Variants in C13orf46 observed in about 807,000 individuals in gnomAD.
C13orf46 encodes the protein chromosome 13 open reading frame 46, also known as uncharacterized protein C13orf46.
At chr13:113,956,921 C>T (rs943970703) in intron 6 of C13orf46, 82 bp from the exon 7 acceptor site, 45,508 of 152,268 alleles carry the variant, frequency 0.3, 7,672 homozygotes, top group East Asian at 0.45. Context: ...GAGCAGCACC[C>T]CCAACCTGAA....
the C13orf46 span, among the ~76,000 whole-genome samples, chr13:113,936,754 G>T: frequency 2.2e-4 from 34 of 152,196 alleles, no homozygotes; most frequent in African/African-American, 7.5e-4. Flanking sequence ...GTGGGAAATG[G>T]TCCTTGTGCC....
chr13:113,930,428 G>GCGCGGGAGCACCGAGGCGGGGA, the C13orf46 span, among the ~76,000 whole-genome samples: 6 of 147,456 alleles, frequency 4.1e-5, no homozygotes, highest in African/African-American at 1.5e-4. Flanking sequence ...CGAGGCGGGG[G>GCGCGGGAGCACCGAGGCGGGGA]CGCGGGAGCA....
downstream of C13orf46, among the ~76,000 whole-genome samples, chr13:113,951,106 C>T (rs1260626675): frequency 6.6e-6 from 1 of 152,198 alleles, no homozygotes; most frequent in African/African-American, 2.4e-5. Flanking sequence ...GGCGTGTGGT[C>T]CTGGTGTGGG....
At chr13:113,968,044 G>A (rs2052667036) in intron 4 of C13orf46, among the ~76,000 whole-genome samples, 1 of 152,138 alleles carries the variant, frequency 6.6e-6, no homozygotes, top group Non-Finnish European at 1.5e-5. Context: ...CAGCGTGTCT[G>A]GTTGTGTTAC....
At chr13:113,952,311 A>G (rs1281214168), downstream of C13orf46, among the ~76,000 whole-genome samples, 4 of 120,102 alleles carry the variant, frequency 3.3e-5, no homozygotes, top group South Asian at 5.3e-4. Flanking sequence ...CTGTGTGGCC[A>G]CCCCTCCGCC....
intron 6 of C13orf46, among the ~76,000 whole-genome samples, chr13:113,964,346 C>G (rs1254989465): frequency 6.6e-6 from 1 of 152,214 alleles, no homozygotes; most frequent in East Asian, 1.9e-4. Context: ...TCCCCACACC[C>G]ATCTTCAGGG....
intron 6 of C13orf46, among the ~76,000 whole-genome samples, chr13:113,958,219 C>A (rs1053827402): frequency 6.6e-6 from 1 of 150,702 alleles, no homozygotes; most frequent in Non-Finnish European, 1.5e-5. Context: ...GTCTCCCCTG[C>A]ACTCCACATG....
chr13:113,959,353 AG>A (rs2052569335), intron 6 of C13orf46, among the ~76,000 whole-genome samples: 2 of 152,158 alleles, frequency 1.3e-5, no homozygotes. Flanking sequence ...ATGATTGGCT[AG>A]GATGTGTGAG....
At chr13:113,971,606 C>A (rs2052706226) in intron 1 of C13orf46, among the ~76,000 whole-genome samples, 1 of 152,224 alleles carries the variant, frequency 6.6e-6, no homozygotes, top group Non-Finnish European at 1.5e-5. Flanking sequence ...ATGGCCCAGG[C>A]CCAGACACAC....
chr13:113,972,134 C>T lies in C13orf46; in HGVS notation c.190+1674G>A, dbSNP rs148370470. On this transcript the variant is annotated intron_variant, in intron 1 of 6. Coordinates refer to ENST00000636427, the MANE Select transcript of C13orf46 (RefSeq NM_001365455.2). ...ATGGGGCTCAATCCCTCCCTCCATCCGACCCCGGCCTCTAAGTCCGCACTG... is the reference window on the plus strand; with the variant it reads ...ATGGGGCTCAATCCCTCCCTCCATCTGACCCCGGCCTCTAAGTCCGCACTG... 4.7e-3 allele frequency among the ~76,000 whole-genome samples: 710 copies of T among 152,286 alleles called. 5 individuals are homozygous for T. The highest frequency in any genetic ancestry group is 0.016 in the African/African-American group (667 of 41,554).
chr13:113,965,821 A>C (rs968045129), intron 5 of C13orf46, among the ~76,000 whole-genome samples: 127 of 130,150 alleles, frequency 9.8e-4, no homozygotes, highest in African/African-American at 3.9e-3. Flanking sequence ...GAAGGTGATG[A>C]TGGTGATAAT....
the C13orf46 span, among the ~76,000 whole-genome samples, chr13:113,947,812 CCAGA>C: frequency 6.6e-6 from 1 of 152,346 alleles, no homozygotes; most frequent in East Asian, 1.9e-4. Flanking sequence ...ACACTTCCCC[CCAGA>C]CACTCACTCA....
the C13orf46 span, among the ~76,000 whole-genome samples, chr13:113,934,804 C>T: frequency 3.3e-5 from 5 of 152,334 alleles, no homozygotes; most frequent in African/African-American, 9.6e-5. Flanking sequence ...GGAACTCCGC[C>T]AGCACCTCTA....
At chr13:113,930,278 C>G in the C13orf46 span, among the ~76,000 whole-genome samples, 1 of 152,070 alleles carries the variant, frequency 6.6e-6, no homozygotes, top group African/African-American at 2.4e-5. Context: ...GATTTGTGCA[C>G]AAGAAACGCA....
At chr13:113,950,584 G>A (rs2052484874), downstream of C13orf46, among the ~76,000 whole-genome samples, 1 of 152,250 alleles carries the variant, frequency 6.6e-6, no homozygotes, top group African/African-American at 2.4e-5. Context: ...TGTCCCTGAG[G>A]AGTTGCTTTC....
At chr13:113,949,707 C>T (rs2052481615), downstream of C13orf46, among the ~76,000 whole-genome samples, 1 of 152,244 alleles carries the variant, frequency 6.6e-6, no homozygotes. Flanking sequence ...CTCTGCCAGT[C>T]CTGTGCCTGG....
chr13:113,927,767 A>T, the C13orf46 span: 1 of 396,272 alleles, frequency 2.5e-6, no homozygotes. Flanking sequence ...TGGCAGACAG[A>T]CTCCCACTCG....
At chr13:113,964,228 A>G (rs2052615604) in intron 6 of C13orf46, among the ~76,000 whole-genome samples, 2 of 152,198 alleles carry the variant, frequency 1.3e-5, no homozygotes, top group South Asian at 4.1e-4. Flanking sequence ...ATAAACTGTT[A>G]ATTCTGAGTG....
rs2052645246 is a variant in C13orf46 at position 113,966,207 on chromosome 13, G to T, written c.504+1134C>A. On this transcript the variant is annotated intron_variant, in intron 5 of 6. Coordinates refer to ENST00000636427, the MANE Select transcript of C13orf46 (RefSeq NM_001365455.2). ...GATGGTGATGATGGTCATGATGATG[G>T]TGATTATAATGGTGGTGATGATGGG... Among the ~76,000 whole-genome samples the T allele has an allele frequency of 4.1e-5, 6 of 147,634 alleles. 1 individual carries two copies. The highest frequency in any genetic ancestry group is 8.9e-5 in the Non-Finnish European group (6 of 67,340).
Sources: gnomAD v4.1 joint callset for allele counts (sites outside exome capture counted in the v4.1 genomes callset) on GRCh38, gnomAD v4.1.1 for gene constraint, MANE v1.5 for transcripts, NCBI Gene and HGNC (gene_info 2026-07-23, HGNC 2026-07-21) for gene names.